Variants in ZFAND3 observed in about 807,000 individuals in gnomAD.
ZFAND3 encodes zinc finger AN1-type containing 3.
In ZFAND3, 10 loss-of-function variants were observed where a neutral mutation model predicts 29.6. The ratio of observed to expected loss-of-function variants is 0.34; its 90% CI spans 0.21 to 0.57. The LOEUF (loss-of-function observed/expected upper bound fraction) is 0.57, where lower values mean the gene tolerates loss of function less well. ZFAND3 is among the 20% of genes least tolerant of loss of function. The probability of loss-of-function intolerance (pLI) is 0.86; values close to 1 mark genes in which losing one functional copy is unlikely to be tolerated. For synonymous variants in ZFAND3, 128 were observed against 112.6 expected (o/e 1.14, Z -0.87); for missense variants, 230 against 304.5 (o/e 0.76, Z 1.82).
intron 1 of ZFAND3, among the ~76,000 whole-genome samples, chr6:37,863,598 G>A (rs1051202867): frequency 3.2e-4 from 48 of 151,542 alleles, no homozygotes; most frequent in African/African-American, 1.1e-3. Flanking sequence ...AACAGTTTTA[G>A]GTTTCACAGG....
intron 1 of ZFAND3, 83 bp from the exon 2 acceptor site, chr6:37,929,876 A>T: frequency 1.5e-6 from 2 of 1,368,134 alleles, no homozygotes; most frequent in East Asian, 2.5e-5. Context: ...TTCTTTGCCT[A>T]CGTTTCTGAC....
At chr6:37,951,426 A>G (rs1336518711) in intron 2 of ZFAND3, among the ~76,000 whole-genome samples, 2 of 152,074 alleles carry the variant, frequency 1.3e-5, no homozygotes, top group East Asian at 3.9e-4. Flanking sequence ...CCCCGTCTCT[A>G]CTAAAAATAC....
intron 2 of ZFAND3, among the ~76,000 whole-genome samples, chr6:38,007,082 A>T (rs1277981191): frequency 6.6e-6 from 1 of 152,218 alleles, no homozygotes; most frequent in Non-Finnish European, 1.5e-5. Flanking sequence ...TGATGGACAT[A>T]CACTTGCCAA....
Position 37,979,154 on chromosome 6 carries a change from T to A in ZFAND3, c.112+49155T>A, listed in dbSNP as rs78889949. On this transcript the variant is annotated intron_variant, in intron 2 of 5. Transcript: ENST00000287218. ...GGGAACTGAGTTTATTGATTTGAAATCTTTTCTAATAAAGATTTAATGCTA... is the reference window on the plus strand; with the variant it reads ...GGGAACTGAGTTTATTGATTTGAAAACTTTTCTAATAAAGATTTAATGCTA... Among the ~76,000 whole-genome samples, 2,583 of 152,322 alleles carry A rather than the reference T, an allele frequency of 0.017. 252 individuals are homozygous for A. In the East Asian group the frequency reaches 0.28, roughly 16 times the overall value.
At chr6:38,060,965 G>A (rs955115912) in intron 2 of ZFAND3, among the ~76,000 whole-genome samples, 2 of 151,978 alleles carry the variant, frequency 1.3e-5, no homozygotes, top group Admixed American at 6.6e-5. Flanking sequence ...GCATTTGGTT[G>A]AAAAAAATCC....
intron 4 of ZFAND3, among the ~76,000 whole-genome samples, chr6:38,091,460 T>A (rs983740331): frequency 1.3e-5 from 2 of 149,868 alleles, no homozygotes; most frequent in Admixed American, 6.8e-5. Context: ...CTCTCCTCCT[T>A]TGAAACTTTA....
intron 1 of ZFAND3, among the ~76,000 whole-genome samples, chr6:37,824,120 T>C (rs10485030): frequency 0.22 from 32,778 of 152,214 alleles, 4,367 homozygotes; most frequent in African/African-American, 0.37. Context: ...CAAATTTTTC[T>C]TGGAGACATG....
chr6:37,942,137 G>A (rs1019435648), intron 2 of ZFAND3, among the ~76,000 whole-genome samples: 6 of 152,090 alleles, frequency 3.9e-5, no homozygotes, highest in Non-Finnish European at 8.8e-5. Flanking sequence ...GAACAAAGTG[G>A]TTACTGAGTA....
intron 2 of ZFAND3, among the ~76,000 whole-genome samples, chr6:38,000,767 C>G (rs182530441): frequency 9.8e-4 from 149 of 152,178 alleles, no homozygotes; most frequent in African/African-American, 3.4e-3. Flanking sequence ...GACTAAAAGA[C>G]AAAAAGAAAA....
chr6:38,138,352 C>A (rs1765883111), intron 5 of ZFAND3, among the ~76,000 whole-genome samples: 1 of 152,090 alleles, frequency 6.6e-6, no homozygotes, highest in African/African-American at 2.4e-5. Flanking sequence ...TTATTATATT[C>A]ATGTACTACC....
intron 1 of ZFAND3, among the ~76,000 whole-genome samples, chr6:37,925,486 T>C (rs943832711): frequency 6.6e-6 from 1 of 152,154 alleles, no homozygotes; most frequent in Non-Finnish European, 1.5e-5. Context: ...GCGGATCACC[T>C]GAGGTCAGGA....
At position 37,936,596 on chromosome 6, in the gene ZFAND3, G is replaced by A. The variant is rs548327006; in HGVS notation, c.112+6597G>A. ...TAACTTTTAAGAAATTTGCTATCAC[G>A]TGGTTCACATATGATGTACAAGTGT... On this transcript the variant is annotated intron_variant, in intron 2 of 5. Coordinates refer to ENST00000287218, the MANE Select transcript of ZFAND3 (RefSeq NM_021943.3). 4.7e-4 allele frequency among the ~76,000 whole-genome samples: 72 copies of A among 152,300 alleles called. 1 individual carries two copies. Among genetic ancestry groups the A allele is most frequent in the African/African-American group, 1.5e-3 (61 of 41,564 alleles).
intron 2 of ZFAND3, among the ~76,000 whole-genome samples, chr6:38,011,826 TA>T (rs1185277282): frequency 5.3e-5 from 8 of 152,296 alleles, no homozygotes; most frequent in African/African-American, 1.9e-4. Context: ...CCTGATCAAT[TA>T]AGAGGATTCG....
chr6:38,023,484 G>C (rs988155410), intron 2 of ZFAND3, among the ~76,000 whole-genome samples: 1 of 152,098 alleles, frequency 6.6e-6, no homozygotes, highest in Non-Finnish European at 1.5e-5. Context: ...TCCACAATGT[G>C]TATATATTTT....
intron 2 of ZFAND3, among the ~76,000 whole-genome samples, chr6:38,059,349 T>C (rs1764192485): frequency 6.6e-6 from 1 of 152,198 alleles, no homozygotes; most frequent in Non-Finnish European, 1.5e-5. Context: ...TATTATACCG[T>C]GTATATCTTT....
At chr6:38,000,234 A>G (rs1467481564) in intron 2 of ZFAND3, among the ~76,000 whole-genome samples, 1 of 152,158 alleles carries the variant, frequency 6.6e-6, no homozygotes, top group Non-Finnish European at 1.5e-5. Flanking sequence ...CATTTGCGAG[A>G]CCCATAGCAC....
chr6:38,127,819 G>T (rs560237165), intron 5 of ZFAND3, among the ~76,000 whole-genome samples: 3 of 152,090 alleles, frequency 2.0e-5, no homozygotes, highest in Non-Finnish European at 2.9e-5. Context: ...AAGGCCTGCT[G>T]AAGAGTTTCT....
At position 38,149,979 on chromosome 6, in the gene ZFAND3, A is replaced by G. The variant is rs1233926311; in HGVS notation, c.530-2256A>G. Reference sequence around the variant, plus strand: ...TCAGGACTTGGTGACAAAAATGTCTATAGACACATCCTGATGCCATCCTGC... The same window carrying G: ...TCAGGACTTGGTGACAAAAATGTCTGTAGACACATCCTGATGCCATCCTGC... On this transcript the variant is annotated intron_variant, in intron 5 of 5. Transcript: ENST00000287218. Among the ~76,000 whole-genome samples, 6 of 152,286 alleles carry G rather than the reference A, an allele frequency of 3.9e-5. No individual in the cohort carries two copies. The East Asian group carries it at 7.7e-4, about 20-fold the overall frequency.
At chr6:37,966,793 T>C (rs577700437) in intron 2 of ZFAND3, among the ~76,000 whole-genome samples, 5 of 152,322 alleles carry the variant, frequency 3.3e-5, no homozygotes, top group African/African-American at 9.6e-5. Flanking sequence ...GGTTTAATAA[T>C]ATCTTTTATA....
Sources: allele counts gnomAD v4.1 joint callset (sites outside exome capture counted in the v4.1 genomes callset), GRCh38; gene constraint gnomAD v4.1.1; transcripts MANE v1.5; gene names NCBI Gene and HGNC (gene_info 2026-07-23, HGNC 2026-07-21).